Variants in CIAPIN1 observed in about 807,000 individuals in gnomAD.
CIAPIN1 encodes anamorsin.
CIAPIN1 carries 18 observed loss-of-function variants against 34.3 expected under a neutral mutation model. That is an observed-to-expected ratio of 0.52 (90% CI 0.36 to 0.78). CIAPIN1 has a LOEUF of 0.78. Among genes scored for constraint, CIAPIN1 ranks in the 30% least tolerant of loss-of-function variants. The pLI, the probability that CIAPIN1 is intolerant of heterozygous loss-of-function variation, is 0.00. For synonymous variants in CIAPIN1, 131 were observed against 140.4 expected, an observed-to-expected ratio of 0.93 and a Z score of 0.47; for missense variants, 310 against 372.5, an observed-to-expected ratio of 0.83 and a Z score of 1.38.
In CIAPIN1 at chr16:57,440,474, C is replaced by T. The variant is rs79492992; in HGVS notation, c.157+298G>A. Reference sequence around the variant, plus strand: ...TGGTTTTGCGGCTTGAGGGGCATCACGGAACCCGCCGACATGTGATGTCTC... The same window carrying T: ...TGGTTTTGCGGCTTGAGGGGCATCATGGAACCCGCCGACATGTGATGTCTC... On this transcript the variant is annotated intron_variant, in intron 2 of 8. Coordinates refer to ENST00000394391, the MANE Select transcript of CIAPIN1 (RefSeq NM_020313.4). Among the ~76,000 whole-genome samples, 398 of 152,246 alleles carry T rather than the reference C, an allele frequency of 2.6e-3. 5 individuals carry two copies. Among genetic ancestry groups the T allele is most frequent in the African/African-American group, 9.1e-3 (378 of 41,522 alleles).
chr16:57,437,303 T>C (rs954978243), intron 3 of CIAPIN1, among the ~76,000 whole-genome samples: 3 of 152,152 alleles, frequency 2.0e-5, no homozygotes, highest in African/African-American at 7.2e-5. Context: ...CTAAGCACTT[T>C]ATTATAAACA....
chr16:57,435,500 C>G (rs1253215262), intron 4 of CIAPIN1, among the ~76,000 whole-genome samples: 1 of 152,154 alleles, frequency 6.6e-6, no homozygotes, highest in Non-Finnish European at 1.5e-5. Flanking sequence ...GAATCTAAGG[C>G]CTGGCATAAA....
In CIAPIN1 at chr16:57,436,649, A is replaced by G; in HGVS notation, c.387+7T>C. 4 of 1,610,920 alleles carry G rather than the reference A, an allele frequency of 2.5e-6. No homozygotes were observed. The highest frequency in any genetic ancestry group is 1.3e-5 in the African/African-American group (1 of 74,958). ...AGGGCAGCAAAGAAAGTTGTCTACA[A>G]ACGTACCTCTTTCACTTCCACAAGA... On this transcript the variant is annotated splice_region_variant and intron_variant, in intron 4 of 8. Transcript: ENST00000394391.
chr16:57,434,401 G>C (rs1903156022), intron 4 of CIAPIN1, among the ~76,000 whole-genome samples, 189 bp from the exon 5 acceptor site: 1 of 152,174 alleles, frequency 6.6e-6, no homozygotes, highest in Admixed American at 6.5e-5. Flanking sequence ...ACCTTTGTCT[G>C]CATGTTTACT....
intron 6 of CIAPIN1, chr16:57,431,516 G>GT (rs1903086647): frequency 2.9e-6 from 1 of 349,190 alleles, no homozygotes; most frequent in African/African-American, 2.1e-5. Context: ...AGAAAAAGCT[G>GT]TATGACTGGC....
At position 57,434,065 on chromosome 16, in the gene CIAPIN1, T is replaced by C; in HGVS notation, c.535A>G (p.Thr179Ala). 6.2e-7 allele frequency: 1 copy of C among 1,614,072 alleles called. No individual in the cohort carries two copies. Among genetic ancestry groups the C allele is most frequent in the South Asian group, 1.1e-5 (1 of 91,026 alleles). ...TTACCTGAAGGAGAAGACTTCTTGG[T>C]GATGGAAAGCTTAAGCTGCCTAGAA... The part of the protein sequence containing the change: ...GSSRQLKLSI[T>A]KKSSPSVKPA... The change falls in exon 5 of 9, where the codon ACC becomes GCC. Residue 179 changes from threonine to alanine, a missense_variant. Thr to Ala is a moderately conservative substitution (Grantham distance 58). Coordinates refer to ENST00000394391, the MANE Select transcript of CIAPIN1 (RefSeq NM_020313.4).
In CIAPIN1 at chr16:57,435,780, C is replaced by T. The variant is rs112989149; in HGVS notation, c.387+876G>A. On this transcript the variant is annotated intron_variant, in intron 4 of 8. Transcript: ENST00000394391. ...CTGCACTCCAGCCTGGGCAACAGAG[C>T]GAGACTGTCTCCAAAAACAAGAAAA... Among the ~76,000 whole-genome samples, 386 of 152,014 alleles carry T rather than the reference C, an allele frequency of 2.5e-3. 1 individual carries two copies. Among genetic ancestry groups the T allele is most frequent in the East Asian group, 8.5e-3 (44 of 5,170 alleles).
chr16:57,433,348 T>C (rs1598023025), intron 5 of CIAPIN1, among the ~76,000 whole-genome samples: 2 of 152,250 alleles, frequency 1.3e-5, no homozygotes, highest in South Asian at 4.1e-4. Context: ...TTCCTACCCA[T>C]TCTGGAACCA....
At chr16:57,435,613 C>T (rs967281302) in intron 4 of CIAPIN1, among the ~76,000 whole-genome samples, 2 of 152,046 alleles carry the variant, frequency 1.3e-5, no homozygotes, top group Admixed American at 6.6e-5. Flanking sequence ...GCCAACATAG[C>T]GAAACCCCAT....
rs1667347726 is a variant in CIAPIN1 at position 57,429,064 on chromosome 16, G to A, written c.*106C>T. ...CTGCTAAGCACCCACTCTGCAAACA[G>A]ATCTCAGAGTGAACAAATCCAGAGG... On this transcript the variant is annotated 3_prime_UTR_variant, in exon 9 of 9. Coordinates refer to ENST00000394391, the MANE Select transcript of CIAPIN1 (RefSeq NM_020313.4). The A allele has an allele frequency of 1.3e-6, 1 of 771,642 alleles. No homozygotes were observed. Among genetic ancestry groups the A allele is most frequent in the African/African-American group, 1.7e-5 (1 of 58,752 alleles). 47.8% of individuals were successfully genotyped at this position (771,642 alleles called of 1,614,324 possible).
rs527822913 is a variant in CIAPIN1, at chr16:57,429,349, C to A, written c.829-69G>T. The A allele has an allele frequency of 2.8e-6, 3 of 1,084,848 alleles. No individual in the cohort carries two copies. In the East Asian group the frequency reaches 7.2e-5, roughly 26 times the overall value. 67.2% of individuals were successfully genotyped at this position (1,084,848 alleles called of 1,614,324 possible). A position where few individuals can be genotyped will look rare whatever the true frequency, so the allele number is the denominator to read the frequency against. On this transcript the variant is annotated intron_variant, in intron 8 of 8. Transcript: ENST00000394391. The stretch of plus-strand genomic sequence containing the variant: ...GCATACCAGCCAGAAGAAAGAAATG[C>A]CTAATTTCATAATGTGGCCACAGTG...
At chr16:57,441,786 T>C (rs1903337546) in intron 1 of CIAPIN1, among the ~76,000 whole-genome samples, 1 of 152,214 alleles carries the variant, frequency 6.6e-6, no homozygotes, top group Admixed American at 6.5e-5. Context: ...CTTAGGTGAG[T>C]ATATAATATG....
chr16:57,441,527 C>T (rs1222886082), intron 1 of CIAPIN1: 1 of 152,216 alleles, frequency 6.6e-6, no homozygotes, highest in African/African-American at 2.4e-5. Flanking sequence ...TTAATATTAG[C>T]TACATTGTTC....
At chr16:57,431,060 T>A in intron 7 of CIAPIN1, 91 bp downstream of exon 7, 1 of 688,822 alleles carries the variant, frequency 1.5e-6, no homozygotes, top group East Asian at 2.6e-5. Flanking sequence ...GCCTGGAAAA[T>A]GTATGTTCTA....
chr16:57,433,523 CTGTG>C (rs147834361), intron 5 of CIAPIN1: 6 of 156,024 alleles, frequency 3.8e-5, no homozygotes, highest in Non-Finnish European at 7.0e-5. Flanking sequence ...GAGGATGGAG[CTGTG>C]TGTGTGTGTG....
At chr16:57,437,101 T>G (rs1255043884) in intron 3 of CIAPIN1, among the ~76,000 whole-genome samples, 1 of 152,124 alleles carries the variant, frequency 6.6e-6, no homozygotes, top group Non-Finnish European at 1.5e-5. Flanking sequence ...CACTCTTGCC[T>G]GCACAACAGA....
At chr16:57,441,171 G>T in intron 1 of CIAPIN1, 188 bp from the exon 2 acceptor site, 1 of 317,290 alleles carries the variant, frequency 3.2e-6, no homozygotes, top group Non-Finnish European at 5.8e-6. Flanking sequence ...CCCAAAGAAG[G>T]CAGATAGCTT....
rs557752928 is a variant in CIAPIN1 at position 57,439,736 on chromosome 16, A to T, written c.158-402T>A. 2.2e-4 allele frequency among the ~76,000 whole-genome samples: 33 copies of T among 152,340 alleles called. No individual in the cohort carries two copies. In the South Asian group the frequency reaches 3.1e-3, roughly 14 times the overall value. On this transcript the variant is annotated intron_variant, in intron 2 of 8. Transcript: ENST00000394391. ...TGTGAAGATTTCATGGACATTTATCACTTCCTCAGTCAATACTCTTGTGAT... is the reference window on the plus strand; with the variant it reads ...TGTGAAGATTTCATGGACATTTATCTCTTCCTCAGTCAATACTCTTGTGAT...
At chr16:57,434,317 G>A (rs1326727484) in intron 4 of CIAPIN1, 105 bp from the exon 5 acceptor site, 4 of 1,042,208 alleles carry the variant, frequency 3.8e-6, no homozygotes, top group Admixed American at 1.9e-5. Flanking sequence ...CATTAAGGAT[G>A]TAACAGTGGA....
Sources: gnomAD v4.1 joint callset for allele counts (sites outside exome capture counted in the v4.1 genomes callset) on GRCh38, gnomAD v4.1.1 for gene constraint, MANE v1.5 for transcripts, NCBI Gene and HGNC (gene_info 2026-07-23, HGNC 2026-07-21) for gene names.